The following WWTR1 variants were observed in gnomAD, a reference collection of about 807,000 sequenced individuals.
WWTR1 encodes WW domain containing transcription regulator 1, also known as WW domain-containing transcription regulator protein 1.
Under a neutral mutation model 40.1 loss-of-function variants are expected in WWTR1, and 13 were observed. The observed-to-expected ratio is 0.32, with a 90% confidence interval of 0.21 to 0.52. The LOEUF (loss-of-function observed/expected upper bound fraction) is 0.52, where lower values mean the gene tolerates loss of function less well. Ranked by LOEUF, WWTR1 falls within the 20% of genes least tolerant of loss-of-function variation. The pLI, the probability that WWTR1 is intolerant of heterozygous loss-of-function variation, is 0.97. For missense variants in WWTR1, 436 were observed against 523.1 expected, an observed-to-expected ratio of 0.83 and a Z score of 1.63; for synonymous variants, 230 against 210.1, an observed-to-expected ratio of 1.09 and a Z score of -0.82.
chr3:149,558,685 A>C (rs994686980), intron 3 of WWTR1, among the ~76,000 whole-genome samples: 1 of 152,250 alleles, frequency 6.6e-6, no homozygotes, highest in African/African-American at 2.4e-5. Flanking sequence ...TTTATAACCT[A>C]AACCAAAATC....
intron 5 of WWTR1, among the ~76,000 whole-genome samples, chr3:149,710,711 C>G (rs1031233309): frequency 1.3e-5 from 2 of 151,028 alleles, no homozygotes; most frequent in Non-Finnish European, 2.9e-5. Flanking sequence ...TCCTGAGTAG[C>G]TAGGATTATA....
chr3:149,648,805 G>T (rs6773681), intron 2 of WWTR1, among the ~76,000 whole-genome samples: 4 of 152,088 alleles, frequency 2.6e-5, no homozygotes, highest in African/African-American at 9.7e-5. Context: ...CAAGGTGGAA[G>T]GCAGCTGATC....
chr3:149,648,845 C>T (rs929005116), intron 2 of WWTR1, among the ~76,000 whole-genome samples: 1 of 152,178 alleles, frequency 6.6e-6, no homozygotes. Context: ...TCGAAACCAG[C>T]TCTTTGGCCT....
intron 2 of WWTR1, among the ~76,000 whole-genome samples, chr3:149,586,581 C>G (rs1276040261): frequency 6.6e-6 from 1 of 152,126 alleles, no homozygotes; most frequent in East Asian, 1.9e-4. Context: ...TCTTTGACTT[C>G]GGCTCCTGAC....
intron 1 of WWTR1, among the ~76,000 whole-genome samples, chr3:149,673,512 C>G (rs553540760): frequency 6.6e-6 from 1 of 152,126 alleles, no homozygotes; most frequent in African/African-American, 2.4e-5. Flanking sequence ...GAATGACACT[C>G]GGAAAGGCAT....
chr3:149,543,321 G>A (rs537294534), intron 3 of WWTR1, among the ~76,000 whole-genome samples: 31 of 151,964 alleles, frequency 2.0e-4, no homozygotes, highest in South Asian at 1.7e-3. Flanking sequence ...AGTGGCTCAC[G>A]CCTGTAATCC....
At chr3:149,698,052 A>T (rs1715047840) in intron 1 of WWTR1, among the ~76,000 whole-genome samples, 1 of 152,206 alleles carries the variant, frequency 6.6e-6, no homozygotes, top group Admixed American at 6.5e-5. Flanking sequence ...AGCCCATGTG[A>T]TTGCTCTCAC....
intron 2 of WWTR1, among the ~76,000 whole-genome samples, chr3:149,643,576 G>A (rs1712316486): frequency 2.0e-5 from 3 of 152,148 alleles, no homozygotes; most frequent in Non-Finnish European, 1.5e-5. Flanking sequence ...CGGCAATAAA[G>A]TGAGAGACAC....
chr3:149,610,500 C>T (rs988358724), intron 2 of WWTR1, among the ~76,000 whole-genome samples: 1 of 152,162 alleles, frequency 6.6e-6, no homozygotes, highest in African/African-American at 2.4e-5. Context: ...TTAAAGAAAC[C>T]TAATGTTAGT....
chr3:149,547,715 G>A (rs1021589440), intron 3 of WWTR1, among the ~76,000 whole-genome samples: 1 of 151,966 alleles, frequency 6.6e-6, no homozygotes, highest in Middle Eastern at 3.2e-3. Context: ...ATGCATCAAA[G>A]CTAAAGCAGG....
At chr3:149,521,258 G>A (rs544468486) in intron 6 of WWTR1, among the ~76,000 whole-genome samples, 2 of 152,300 alleles carry the variant, frequency 1.3e-5, no homozygotes, top group South Asian at 4.1e-4. Context: ...CATGACAAAG[G>A]TGTGAAGAAC....
At position 149,519,561 on chromosome 3, in the gene WWTR1, C is replaced by G. The variant is rs1055142068; in HGVS notation, c.*1244G>C. 6.6e-6 allele frequency: 1 copy of G among 152,252 alleles called. No homozygotes were observed. The highest frequency in any genetic ancestry group is 1.5e-5 in the Non-Finnish European group (1 of 68,004). 9.4% of individuals were successfully genotyped at this position (152,252 alleles called of 1,614,324 possible). On this transcript the variant is annotated 3_prime_UTR_variant, in exon 7 of 7. Transcript: ENST00000360632. ...TGTCCTGATGTTTTCAGAGTTATTT[C>G]AAAAGACAAAAATACAGTTGCCACT...
intron 1 of WWTR1, among the ~76,000 whole-genome samples, chr3:149,672,053 G>C (rs1425425525): frequency 1.3e-5 from 2 of 151,996 alleles, no homozygotes; most frequent in Non-Finnish European, 2.9e-5. Flanking sequence ...CCTAGAAAAA[G>C]GGTTTAGCTT....
At chr3:149,568,099 C>T (rs2107988466) in intron 3 of WWTR1, among the ~76,000 whole-genome samples, 1 of 152,220 alleles carries the variant, frequency 6.6e-6, no homozygotes, top group African/African-American at 2.4e-5. Flanking sequence ...AACATACAAA[C>T]TTCTGGCTGG....
At chr3:149,563,216 G>A (rs1157566492) in intron 3 of WWTR1, among the ~76,000 whole-genome samples, 1 of 152,100 alleles carries the variant, frequency 6.6e-6, no homozygotes, top group Non-Finnish European at 1.5e-5. Context: ...TTAATGTGGT[G>A]CAAACAAAGA....
chr3:149,565,250 CT>C (rs1210695592), intron 3 of WWTR1, among the ~76,000 whole-genome samples: 1 of 151,546 alleles, frequency 6.6e-6, no homozygotes, highest in African/African-American at 2.4e-5. Context: ...TATTTACTGG[CT>C]ATTATAACTA....
chr3:149,670,099 G>C (rs1017302027), intron 1 of WWTR1, among the ~76,000 whole-genome samples: 3 of 152,326 alleles, frequency 2.0e-5, no homozygotes, highest in Admixed American at 6.5e-5. Context: ...CTAGCACCCA[G>C]CTGGGCTCAA....
intron 2 of WWTR1, among the ~76,000 whole-genome samples, chr3:149,610,892 C>T (rs534115125): frequency 1.3e-5 from 2 of 152,078 alleles, no homozygotes; most frequent in Admixed American, 6.5e-5. Flanking sequence ...CCTGTAATCC[C>T]AACACTTTGG....
chr3:149,618,334 C>T (rs1740105232), intron 2 of WWTR1, among the ~76,000 whole-genome samples: 1 of 152,194 alleles, frequency 6.6e-6, no homozygotes, highest in Non-Finnish European at 1.5e-5. Context: ...GGTCAGCAGA[C>T]ACTGAGGCGC....
Sources: gnomAD v4.1 joint callset for allele counts (sites outside exome capture counted in the v4.1 genomes callset) on GRCh38, gnomAD v4.1.1 for gene constraint, MANE v1.5 for transcripts, NCBI Gene and HGNC (gene_info 2026-07-23, HGNC 2026-07-21) for gene names.